GRM8: variants seen among roughly 807,000 people sequenced by gnomAD.
GRM8 encodes glutamate metabotropic receptor 8.
GRM8 carries 47 observed loss-of-function variants against 87.2 expected under a neutral mutation model. That is an observed-to-expected ratio of 0.54 (90% CI 0.43 to 0.69). The LOEUF is 0.69. Among genes scored for constraint, GRM8 ranks in the 30% least tolerant of loss-of-function variants. The probability of loss-of-function intolerance (pLI) is 0.00; values close to 1 mark genes in which losing one functional copy is unlikely to be tolerated. For missense variants in GRM8, 1,019 were observed against 1,139.2 expected, an observed-to-expected ratio of 0.89 and a Z score of 1.52; for synonymous variants, 396 against 404.5, an observed-to-expected ratio of 0.98 and a Z score of 0.25.
chr7:126,657,418 C>T (rs1482155994), intron 7 of GRM8, among the ~76,000 whole-genome samples: 1 of 151,996 alleles, frequency 6.6e-6, no homozygotes, highest in Non-Finnish European at 1.5e-5. Flanking sequence ...AAAAACAACC[C>T]CCCCCCAAAA....
intron 3 of GRM8, among the ~76,000 whole-genome samples, chr7:127,025,754 G>GT (rs1302601134): frequency 2.0e-5 from 3 of 152,018 alleles, no homozygotes; most frequent in Non-Finnish European, 2.9e-5. Context: ...TCTATTAGCT[G>GT]TATCATTGTC....
At chr7:127,169,518 G>A (rs1489826725) in intron 2 of GRM8, among the ~76,000 whole-genome samples, 1 of 152,122 alleles carries the variant, frequency 6.6e-6, no homozygotes, top group Admixed American at 6.5e-5. Flanking sequence ...AAGTTATCCA[G>A]AAGATCCAAC....
intron 3 of GRM8, among the ~76,000 whole-genome samples, chr7:127,099,061 T>C (rs1296741854): frequency 6.6e-6 from 1 of 152,078 alleles, no homozygotes; most frequent in East Asian, 1.9e-4. Flanking sequence ...AATAATATAA[T>C]AATGTAAGAC....
chr7:127,210,540 G>A (rs1268416227), intron 2 of GRM8, among the ~76,000 whole-genome samples: 1 of 152,146 alleles, frequency 6.6e-6, no homozygotes, highest in African/African-American at 2.4e-5. Context: ...AATAATTTAG[G>A]TGTTAGGTGA....
At chr7:126,481,212 G>A (rs1806636280) in intron 9 of GRM8, among the ~76,000 whole-genome samples, 1 of 152,020 alleles carries the variant, frequency 6.6e-6, no homozygotes, top group Admixed American at 6.6e-5. Context: ...GAACGAAAAA[G>A]GAATAAGGGA....
At chr7:126,770,112 T>C (rs1414847874) in intron 6 of GRM8, 47 bp from the exon 7 acceptor site, 5 of 1,300,916 alleles carry the variant, frequency 3.8e-6, no homozygotes, top group Non-Finnish European at 5.5e-6. Context: ...TAGATTCCAA[T>C]AAAAGACAGC....
At chr7:126,827,430 G>A (rs368731989) in intron 6 of GRM8, among the ~76,000 whole-genome samples, 9 of 152,100 alleles carry the variant, frequency 5.9e-5, no homozygotes, top group East Asian at 3.9e-4. Flanking sequence ...GGTCCTTCAC[G>A]TCCCTTGTAA....
intron 6 of GRM8, among the ~76,000 whole-genome samples, chr7:126,887,103 A>G (rs1321162934): frequency 1.3e-5 from 2 of 152,240 alleles, no homozygotes; most frequent in South Asian, 2.1e-4. Flanking sequence ...TGAAAAGAGG[A>G]TGAATGCACC....
At chr7:127,209,276 T>C (rs1391112010) in intron 2 of GRM8, among the ~76,000 whole-genome samples, 2 of 152,166 alleles carry the variant, frequency 1.3e-5, no homozygotes, top group Non-Finnish European at 2.9e-5. Flanking sequence ...GGAAAGAAAT[T>C]ACTCAAGTAC....
At chr7:126,593,674 T>C (rs1489286478) in intron 8 of GRM8, among the ~76,000 whole-genome samples, 5 of 152,064 alleles carry the variant, frequency 3.3e-5, no homozygotes, top group South Asian at 2.1e-4. Context: ...AAAATCTCCA[T>C]GACATAGGTC....
intron 7 of GRM8, among the ~76,000 whole-genome samples, chr7:126,627,011 T>A (rs1217872908): frequency 6.6e-6 from 1 of 152,246 alleles, no homozygotes; most frequent in Non-Finnish European, 1.5e-5. Context: ...TTGCTTCCAT[T>A]ATTTAGACCT....
chr7:126,531,856 C>A (rs917721229), intron 9 of GRM8, among the ~76,000 whole-genome samples: 2 of 152,204 alleles, frequency 1.3e-5, no homozygotes, highest in African/African-American at 4.8e-5. Context: ...CTGGGTCATG[C>A]AGAACCTCCT....
At chr7:126,593,546 C>T (rs1012255027) in intron 8 of GRM8, among the ~76,000 whole-genome samples, 1 of 151,870 alleles carries the variant, frequency 6.6e-6, no homozygotes, top group African/African-American at 2.4e-5. Flanking sequence ...GGATATCTAC[C>T]ATGCAGAAGA....
At chr7:126,939,400 A>G (rs552757372) in intron 3 of GRM8, among the ~76,000 whole-genome samples, 1 of 152,318 alleles carries the variant, frequency 6.6e-6, no homozygotes, top group African/African-American at 2.4e-5. Flanking sequence ...ACAAGTCTCC[A>G]CATATCTTTG....
At chr7:126,728,800 G>A (rs1158770555) in intron 7 of GRM8, among the ~76,000 whole-genome samples, 2 of 152,066 alleles carry the variant, frequency 1.3e-5, no homozygotes, top group African/African-American at 4.8e-5. Context: ...GCTGGCTTCT[G>A]GGCCCTATGT....
intron 8 of GRM8, among the ~76,000 whole-genome samples, chr7:126,537,077 T>G (rs1643669327): frequency 6.6e-6 from 1 of 152,206 alleles, no homozygotes; most frequent in Non-Finnish European, 1.5e-5. Context: ...CCTTGACAAT[T>G]TTTTAATGTT....
intron 3 of GRM8, among the ~76,000 whole-genome samples, chr7:126,912,428 C>T (rs1161068036): frequency 6.6e-6 from 1 of 152,208 alleles, no homozygotes; most frequent in African/African-American, 2.4e-5. Flanking sequence ...ATTCAAACTA[C>T]ACCACTGGTT....
chr7:126,827,127 T>G (rs923853183), intron 6 of GRM8, among the ~76,000 whole-genome samples: 4 of 152,150 alleles, frequency 2.6e-5, no homozygotes, highest in African/African-American at 9.7e-5. Flanking sequence ...AGCCTTGTAG[T>G]ATAGTTTGAA....
intron 3 of GRM8, among the ~76,000 whole-genome samples, chr7:127,059,027 A>C (rs1472393101): frequency 6.6e-6 from 1 of 152,196 alleles, no homozygotes; most frequent in Non-Finnish European, 1.5e-5. Context: ...ACAGAGCAAT[A>C]AGGGAGACAA....
Sources: allele counts gnomAD v4.1 joint callset (sites outside exome capture counted in the v4.1 genomes callset), GRCh38; gene constraint gnomAD v4.1.1; transcripts MANE v1.5; gene names NCBI Gene and HGNC (gene_info 2026-07-23, HGNC 2026-07-21).